Variants in IRAG2 observed in about 807,000 individuals in gnomAD.
IRAG2 encodes the protein lymphoid restricted membrane protein.
IRAG2 carries 45 observed loss-of-function variants against 69.9 expected under a neutral mutation model. That is an observed-to-expected ratio of 0.64 (90% CI 0.51 to 0.83). The LOEUF (loss-of-function observed/expected upper bound fraction) is 0.83, where lower values mean the gene tolerates loss of function less well. Ranked by LOEUF, IRAG2 falls within the 40% of genes least tolerant of loss-of-function variation. The pLI is 0.00. For missense variants in IRAG2, 520 were observed against 587.0 expected (o/e 0.89, Z 1.18); for synonymous variants, 193 against 202.4 (o/e 0.95, Z 0.40).
At chr12:25,081,388 C>T (rs935579452) in intron 9 of IRAG2, among the ~76,000 whole-genome samples, 2 of 152,168 alleles carry the variant, frequency 1.3e-5, no homozygotes, top group Non-Finnish European at 2.9e-5. Flanking sequence ...GGCGTGAACC[C>T]GGGAGGCGGA....
chr12:25,065,640 A>G (rs79904949), intron 4 of IRAG2, among the ~76,000 whole-genome samples: 7,238 of 152,346 alleles, frequency 0.048, 254 homozygotes, highest in South Asian at 0.07. Context: ...ACAAACAGCC[A>G]TGGACAATGT....
rs1177598023 is a variant in IRAG2 at position 25,011,342 on chromosome 12, A to C, written c.689-2A>C. ...GAAAAATATAACTTTTCTGTCTTTC[A>C]GAACTGATCTGCTCTTCTTTTTCCA... On this transcript the variant is annotated splice_acceptor_variant, in intron 2 of 38. Coordinates refer to the IRAG2 transcript ENST00000636465. LOFTEE classifies it high-confidence loss of function. The C allele has an allele frequency of 4.9e-6, 6 of 1,231,472 alleles. No homozygotes were observed. The highest frequency in any genetic ancestry group is 6.1e-6 in the Non-Finnish European group (6 of 987,676). 76.3% of individuals were successfully genotyped at this position (1,231,472 alleles called of 1,614,324 possible). A position where few individuals can be genotyped will look rare whatever the true frequency, so the allele number is the denominator to read the frequency against.
intron 10 of IRAG2, among the ~76,000 whole-genome samples, chr12:25,085,525 C>T (rs1259413138): frequency 6.6e-6 from 1 of 152,160 alleles, no homozygotes; most frequent in Non-Finnish European, 1.5e-5. Flanking sequence ...GTTGTGTGCT[C>T]ACTTCAGCTG....
In IRAG2 at chr12:25,078,883, CAT is replaced by C. The variant is rs77681981; in HGVS notation, c.25-359_25-358del. On this transcript the variant is annotated intron_variant, in intron 6 of 21. Transcript: ENST00000556887. The stretch of plus-strand genomic sequence containing the variant: ...TTTTAGGTTGAGTGCTATTCCCACA[CAT>C]AGAAATGTTGTTTCATGCCCTTGTA... 5.2e-4 allele frequency among the ~76,000 whole-genome samples: 79 copies of C among 152,322 alleles called. No individual in the cohort carries two copies. In the East Asian group the frequency reaches 0.011, roughly 21 times the overall value.
chr12:25,021,246 A>G (rs953964005), intron 7 of IRAG2, among the ~76,000 whole-genome samples: 2 of 151,794 alleles, frequency 1.3e-5, no homozygotes, highest in African/African-American at 4.8e-5. Flanking sequence ...TTGGGATTAT[A>G]GGCATGAGCC....
intron 15 of IRAG2, 95 bp downstream of exon 15, chr12:25,097,139 A>T: frequency 2.3e-6 from 3 of 1,279,700 alleles, no homozygotes; most frequent in Non-Finnish European, 3.2e-6. Flanking sequence ...AATAAGTTTT[A>T]AAAAATACTT....
At chr12:25,015,700 G>A (rs1026875022) in intron 5 of IRAG2, among the ~76,000 whole-genome samples, 1 of 152,116 alleles carries the variant, frequency 6.6e-6, no homozygotes, top group African/African-American at 2.4e-5. Flanking sequence ...GCTTTCTGTA[G>A]GGAAAAGTTC....
intron 6 of IRAG2, chr12:25,076,516 T>C: frequency 2.0e-6 from 2 of 985,072 alleles, no homozygotes; most frequent in Non-Finnish European, 2.4e-6. Flanking sequence ...GACCTTTTTT[T>C]GAAAAGGTTT....
At chr12:25,055,847 T>C (rs1945219683) in intron 1 of IRAG2, among the ~76,000 whole-genome samples, 1 of 152,184 alleles carries the variant, frequency 6.6e-6, no homozygotes, top group African/African-American at 2.4e-5. Context: ...AGGGTGAATC[T>C]TATGTACAGA....
chr12:25,023,211 TTTA>T (rs1479024604), intron 7 of IRAG2, among the ~76,000 whole-genome samples: 1 of 152,086 alleles, frequency 6.6e-6, no homozygotes, highest in East Asian at 1.9e-4. Flanking sequence ...GGAGCAGGTG[TTTA>T]TTATTGTGTC....
upstream of IRAG2, among the ~76,000 whole-genome samples, chr12:25,004,032 G>A (rs1339766405): frequency 2.0e-5 from 3 of 152,152 alleles, no homozygotes; most frequent in East Asian, 1.9e-4. Context: ...AAGCAGTAAC[G>A]TTTATCTCAA....
At chr12:25,042,191 TTA>T (rs1245277755) in intron 16 of IRAG2, among the ~76,000 whole-genome samples, 1 of 151,966 alleles carries the variant, frequency 6.6e-6, no homozygotes, top group Non-Finnish European at 1.5e-5. Context: ...TGCTGGCAAG[TTA>T]TATGTGTGGA....
In IRAG2 at chr12:25,040,327, G is replaced by A. The variant is rs553688429; in HGVS notation, c.2144+2190G>A. Among the ~76,000 whole-genome samples, 54 of 152,264 alleles carry A rather than the reference G, an allele frequency of 3.5e-4. 1 individual carries two copies. The highest frequency in any genetic ancestry group is 1.3e-3 in the African/African-American group (52 of 41,570). ...AGTTCAGACCTGCCTGGGCAACATAGCGAGACCCTGTCTCTAAAAAAAATT... is the reference window on the plus strand; with the variant it reads ...AGTTCAGACCTGCCTGGGCAACATAACGAGACCCTGTCTCTAAAAAAAATT... On this transcript the variant is annotated intron_variant, in intron 16 of 38. Coordinates refer to the IRAG2 transcript ENST00000636465.
chr12:25,088,073 T>A, intron 10 of IRAG2, 27 bp from the exon 11 acceptor site: 1 of 1,534,718 alleles, frequency 6.5e-7, no homozygotes, highest in Non-Finnish European at 9.0e-7. Context: ...CCACTCTATG[T>A]ACAGTGGTAA....
intron 14 of IRAG2, among the ~76,000 whole-genome samples, chr12:25,092,393 T>A (rs1192476349): frequency 1.9e-5 from 2 of 104,302 alleles, no homozygotes; most frequent in Non-Finnish European, 1.9e-5. Context: ...AGAGTGAAAC[T>A]CCATCTCAAA....
At chr12:25,030,174 A>G (rs1591931114) in intron 9 of IRAG2, 3 of 643,524 alleles carry the variant, frequency 4.7e-6, no homozygotes, top group East Asian at 3.5e-5. Flanking sequence ...AAGTACATGC[A>G]TGTTAAAGGT....
At chr12:25,020,448 T>C (rs902735865) in intron 6 of IRAG2, among the ~76,000 whole-genome samples, 5 of 152,212 alleles carry the variant, frequency 3.3e-5, no homozygotes, top group Non-Finnish European at 4.4e-5. Flanking sequence ...ATTCAATTAA[T>C]ATTTGTGGAA....
At chr12:24,999,843 C>A (rs189555950), upstream of IRAG2, among the ~76,000 whole-genome samples, 3 of 151,594 alleles carry the variant, frequency 2.0e-5, no homozygotes, top group Admixed American at 6.6e-5. Context: ...TACAAGACAG[C>A]CAGTGAAATT....
chr12:25,027,110 G>A lies in IRAG2; in HGVS notation c.1461+244G>A, dbSNP rs902300228. On this transcript the variant is annotated intron_variant, in intron 9 of 38. Coordinates refer to the IRAG2 transcript ENST00000636465. ...TCATCAACTTAAAGTATACAAGTCA[G>A]TGTGTTTTAGTACGTTCACAGAGTT... 2.7e-4 allele frequency among the ~76,000 whole-genome samples: 41 copies of A among 151,414 alleles called. 1 individual carries two copies. Among genetic ancestry groups the A allele is most frequent in the Non-Finnish European group, 5.9e-5 (4 of 67,962 alleles).
Sources: gnomAD v4.1 joint callset for allele counts (sites outside exome capture counted in the v4.1 genomes callset) on GRCh38, gnomAD v4.1.1 for gene constraint, MANE v1.5 for transcripts, NCBI Gene and HGNC (gene_info 2026-07-23, HGNC 2026-07-21) for gene names.